DCUN1D5: variants seen among roughly 807,000 people sequenced by gnomAD.
DCUN1D5 encodes defective in cullin neddylation 1 domain containing 5.
A neutral mutation model predicts 38.3 loss-of-function variants in DCUN1D5; 10 were observed. The ratio of observed to expected loss-of-function variants is 0.26; its 90% confidence interval spans 0.16 to 0.44. The LOEUF (loss-of-function observed/expected upper bound fraction) is 0.44. Among genes scored for constraint, DCUN1D5 ranks in the 20% least tolerant of loss-of-function variants. The pLI is 1.00. For synonymous variants in DCUN1D5, 93 were observed against 90.9 expected (o/e 1.02, Z -0.13); for missense variants, 148 against 275.3 (o/e 0.54, Z 3.27).
At position 103,066,149 on chromosome 11, in the gene DCUN1D5, G is replaced by A. The variant is rs529590474; in HGVS notation, c.555+120C>T. ...TAGCAACTGATATGTACATATTTTA[G>A]AATTTTTTCTCTAAAGTTTTTTTAA... On this transcript the variant is annotated intron_variant, in intron 6 of 7. Coordinates refer to ENST00000260247, the MANE Select transcript of DCUN1D5 (RefSeq NM_032299.4). This position sits in a 1 kb window ranked among gnomAD's most constrained non-coding sequence, Gnocchi z 4.7. 1.8e-6 allele frequency: 1 copy of A among 570,348 alleles called. No homozygotes were observed. Among genetic ancestry groups the A allele is most frequent in the African/African-American group, 1.9e-5 (1 of 51,986 alleles). 35.3% of individuals were successfully genotyped at this position (570,348 alleles called of 1,614,324 possible).
intron 4 of DCUN1D5, chr11:103,079,782 C>CAAAAA (rs199623565): frequency 8.3e-6 from 1 of 119,986 alleles, no homozygotes. Context: ...GACCCTGTCT[C>CAAAAA]AAAAAAAAAA....
In DCUN1D5 at chr11:103,087,711, G is replaced by GA. The variant is rs371385039; in HGVS notation, c.178+1515dup. ...TACCTACTTAATAGAACAGTCACAA[G>GA]AAAAAATAATATACCTGGGACAATT... On this transcript the variant is annotated intron_variant, in intron 2 of 7. Transcript: ENST00000260247. The surrounding 1 kb of genome is among the most constrained non-coding windows in gnomAD (Gnocchi z 4.1). Among the ~76,000 whole-genome samples, 1 of 152,058 alleles carries GA rather than the reference G, an allele frequency of 6.6e-6. No homozygotes were observed. Among genetic ancestry groups the GA allele is most frequent in the Non-Finnish European group, 1.5e-5 (1 of 67,998 alleles).
rs1468557478 is a variant in DCUN1D5 at position 103,060,059 on chromosome 11, T to C, written c.*2300A>G. ...ATCATAAATTTCCCAGTAAATTAAA[T>C]GCTATTCAAAATTAACAAAGGAAAG... On this transcript the variant is annotated 3_prime_UTR_variant, in exon 8 of 8. Transcript: ENST00000260247. Among the ~76,000 whole-genome samples, 1 of 152,130 alleles carries C rather than the reference T, an allele frequency of 6.6e-6. No individual in the cohort carries two copies.
In DCUN1D5 at chr11:103,055,841, C is replaced by T. The variant is rs1426037138; in HGVS notation, c.*6518G>A. 1 of 152,184 alleles carries T rather than the reference C, an allele frequency of 6.6e-6. No homozygotes were observed. The highest frequency in any genetic ancestry group is 1.5e-5 in the Non-Finnish European group (1 of 68,040). The allele number at this position is 152,184 out of a possible 1,614,324, so 9.4% of individuals were successfully genotyped here. Reference sequence around the variant, plus strand: ...TTTTCCAGGTTCAAATATCCAACTGCCCACTCTACATTTTCCTTTGGACGT... The same window carrying T: ...TTTTCCAGGTTCAAATATCCAACTGTCCACTCTACATTTTCCTTTGGACGT... On this transcript the variant is annotated 3_prime_UTR_variant, in exon 8 of 8. Coordinates refer to ENST00000260247, the MANE Select transcript of DCUN1D5 (RefSeq NM_032299.4).
In DCUN1D5 at chr11:103,059,350, G is replaced by A. The variant is rs1039139882; in HGVS notation, c.*3009C>T. Reference sequence around the variant, plus strand: ...TTATCTCAGAATTTACTCCCACCCCGACCCCGAGTGATGGCATTCAATATT... The same window carrying A: ...TTATCTCAGAATTTACTCCCACCCCAACCCCGAGTGATGGCATTCAATATT... On this transcript the variant is annotated 3_prime_UTR_variant, in exon 8 of 8. Coordinates refer to ENST00000260247, the MANE Select transcript of DCUN1D5 (RefSeq NM_032299.4). Among the ~76,000 whole-genome samples the A allele has an allele frequency of 1.3e-4, 19 of 151,550 alleles. No homozygotes were observed. Among genetic ancestry groups the A allele is most frequent in the African/African-American group, 2.4e-4 (10 of 41,216 alleles).
In DCUN1D5 at chr11:103,086,386, A is replaced by T. The variant is rs1341934602; in HGVS notation, c.178+2841T>A. The stretch of plus-strand genomic sequence containing the variant: ...ACATGTATTATTCTCAGTAGGCAAA[A>T]TTATTGGCTTCATTTTAATACGGAC... On this transcript the variant is annotated intron_variant, in intron 2 of 7. Coordinates refer to ENST00000260247, the MANE Select transcript of DCUN1D5 (RefSeq NM_032299.4). The surrounding 1 kb of genome is among the most constrained non-coding windows in gnomAD (Gnocchi z 4.1). Among the ~76,000 whole-genome samples, 1 of 152,160 alleles carries T rather than the reference A, an allele frequency of 6.6e-6. No homozygotes were observed. Among genetic ancestry groups the T allele is most frequent in the Admixed American group, 6.5e-5 (1 of 15,268 alleles).
In DCUN1D5 at chr11:103,083,204, C is replaced by T. The variant is rs575438689; in HGVS notation, c.249+52G>A. ...AAGTGTCTCGATTTTTAGTAATTTA[C>T]GAATATGCTATACCCCACTTATATG... is the stretch of plus-strand genomic sequence containing the variant. On this transcript the variant is annotated intron_variant, in intron 3 of 7. Transcript: ENST00000260247. This position sits in a 1 kb window ranked among gnomAD's most constrained non-coding sequence, Gnocchi z 4.4. 3.1e-5 allele frequency: 26 copies of T among 845,676 alleles called. No individual in the cohort carries two copies. The highest frequency in any genetic ancestry group is 4.4e-5 in the Non-Finnish European group (22 of 505,392). The allele number at this position is 845,676 out of a possible 1,614,324, so 52.4% of individuals were successfully genotyped here.
rs558322419 is a variant in DCUN1D5, at chr11:103,083,742, T to C, written c.179-416A>G. Among the ~76,000 whole-genome samples the C allele has an allele frequency of 1.8e-4, 28 of 152,210 alleles. No individual in the cohort carries two copies. The highest frequency in any genetic ancestry group is 4.1e-4 in the South Asian group (2 of 4,826). On this transcript the variant is annotated intron_variant, in intron 2 of 7. Coordinates refer to ENST00000260247, the MANE Select transcript of DCUN1D5 (RefSeq NM_032299.4). The surrounding 1 kb of genome is among the most constrained non-coding windows in gnomAD (Gnocchi z 4.4). ...ATATCAGAACCAACACAAAGTTCAA[T>C]ACAGTAATCAGAAGGGGAATATATT...
At chr11:103,090,106 A>G (rs1186280763) in intron 1 of DCUN1D5, among the ~76,000 whole-genome samples, 1 of 152,174 alleles carries the variant, frequency 6.6e-6, no homozygotes, top group Non-Finnish European at 1.5e-5. Flanking sequence ...GTAACTGAGT[A>G]AAGTAAGAGT....
intron 4 of DCUN1D5, among the ~76,000 whole-genome samples, chr11:103,070,402 T>C (rs1017291124): frequency 3.3e-5 from 5 of 152,156 alleles, no homozygotes; most frequent in Admixed American, 6.5e-5. Flanking sequence ...GAAGTGGCTT[T>C]CTACATTAGA....
chr11:103,090,156 C>G (rs996220021), intron 1 of DCUN1D5, among the ~76,000 whole-genome samples: 3 of 152,032 alleles, frequency 2.0e-5, no homozygotes, highest in African/African-American at 7.2e-5. Flanking sequence ...CAAAGTATCA[C>G]CTGAGTTCTA....
rs1007347159 is a variant in DCUN1D5 at position 103,051,728 on chromosome 11, A to G, written c.*10631T>C. The G allele has an allele frequency of 6.6e-6, 1 of 151,942 alleles. No individual in the cohort carries two copies. The highest frequency in any genetic ancestry group is 2.4e-5 in the African/African-American group (1 of 41,380). 9.4% of individuals were successfully genotyped at this position (151,942 alleles called of 1,614,324 possible). A position where few individuals can be genotyped will look rare whatever the true frequency, so the allele number is the denominator to read the frequency against. The stretch of plus-strand genomic sequence containing the variant: ...CACATCAATCTTACCTCTACCTCAC[A>G]GAAGAGGAAAAAGGGAGCTCAAGTT... On this transcript the variant is annotated 3_prime_UTR_variant, in exon 8 of 8. Transcript: ENST00000260247.
intron 2 of DCUN1D5, among the ~76,000 whole-genome samples, chr11:103,085,714 T>C (rs1005698605): frequency 1.6e-4 from 25 of 152,336 alleles, no homozygotes; most frequent in African/African-American, 5.8e-4. Flanking sequence ...CTTCCAATCT[T>C]TCTAATAAAA....
At position 103,054,994 on chromosome 11, in the gene DCUN1D5, T is replaced by C. The variant is rs1861838683; in HGVS notation, c.*7365A>G. 6.6e-6 allele frequency: 1 copy of C among 152,180 alleles called. No homozygotes were observed. Among genetic ancestry groups the C allele is most frequent in the South Asian group, 2.1e-4 (1 of 4,834 alleles). 9.4% of individuals were successfully genotyped at this position (152,180 alleles called of 1,614,324 possible). A position where few individuals can be genotyped will look rare whatever the true frequency, so the allele number is the denominator to read the frequency against. On this transcript the variant is annotated 3_prime_UTR_variant, in exon 8 of 8. Coordinates refer to ENST00000260247, the MANE Select transcript of DCUN1D5 (RefSeq NM_032299.4). ...AAAATGCTTGGGACCGGAAGTGTTT[T>C]AGATTTCTTTTTTTTGATCTTTGAA...
At chr11:103,082,026 G>C (rs1216660221) in intron 4 of DCUN1D5, among the ~76,000 whole-genome samples, 1 of 152,066 alleles carries the variant, frequency 6.6e-6, no homozygotes, top group Non-Finnish European at 1.5e-5. Flanking sequence ...CTCTATTTTA[G>C]AATGTTGATA....
rs955175151 is a variant in DCUN1D5, at chr11:103,077,230, C to T, written c.341+5518G>A. On this transcript the variant is annotated intron_variant, in intron 4 of 7. Coordinates refer to ENST00000260247, the MANE Select transcript of DCUN1D5 (RefSeq NM_032299.4). This position sits in a 1 kb window ranked among gnomAD's most constrained non-coding sequence, Gnocchi z 4.3. The stretch of plus-strand genomic sequence containing the variant: ...AAAAAAAAAGAATAAGAGCACAAAC[C>T]TCCATATTTATTAACAGTATCATGA... Among the ~76,000 whole-genome samples the T allele has an allele frequency of 2.0e-5, 3 of 151,898 alleles. No individual in the cohort carries two copies. Among genetic ancestry groups the T allele is most frequent in the Non-Finnish European group, 4.4e-5 (3 of 67,924 alleles).
chr11:103,085,422 G>A (rs1044838149), intron 2 of DCUN1D5, among the ~76,000 whole-genome samples: 1 of 152,210 alleles, frequency 6.6e-6, no homozygotes, highest in Non-Finnish European at 1.5e-5. Flanking sequence ...AGGTGACAGA[G>A]CGAGACTCTG....
At chr11:103,072,587 A>C (rs1862304966) in intron 4 of DCUN1D5, among the ~76,000 whole-genome samples, 1 of 152,122 alleles carries the variant, frequency 6.6e-6, no homozygotes, top group South Asian at 2.1e-4. Flanking sequence ...AGCCATAAAA[A>C]AGGATGAGTT....
intron 4 of DCUN1D5, among the ~76,000 whole-genome samples, chr11:103,076,964 C>T (rs1297076519): frequency 6.6e-6 from 1 of 152,048 alleles, no homozygotes; most frequent in African/African-American, 2.4e-5. Context: ...TTTGGAAGGT[C>T]GAGGCGGGTG....
Sources: allele counts gnomAD v4.1 joint callset (sites outside exome capture counted in the v4.1 genomes callset), GRCh38; gene constraint gnomAD v4.1.1; non-coding constraint Gnocchi (gnomAD v3.1); transcripts MANE v1.5; gene names NCBI Gene and HGNC (gene_info 2026-07-23, HGNC 2026-07-21).